DLGAP1: variants seen among roughly 807,000 people sequenced by gnomAD.
DLGAP1 encodes DLG associated protein 1, also known as disks large-associated protein 1.
Under a neutral mutation model 90.8 loss-of-function variants are expected in DLGAP1, and 11 were observed. The ratio of observed to expected loss-of-function variants is 0.12; its 90% CI spans 0.08 to 0.20. The LOEUF (loss-of-function observed/expected upper bound fraction) is 0.20, where lower values mean the gene tolerates loss of function less well. Ranked by LOEUF, DLGAP1 falls within the 10% of genes least tolerant of loss-of-function variation. The pLI, the probability that DLGAP1 is intolerant of heterozygous loss-of-function variation, is 1.00. For synonymous variants in DLGAP1, 558 were observed against 540.7 expected (o/e 1.03, Z -0.44); for missense variants, 1,050 against 1,333.8 (o/e 0.79, Z 3.31).
chr18:4,131,601 G>A lies in DLGAP1; in HGVS notation c.-159+19579C>T, dbSNP rs547114779. 3.0e-4 allele frequency among the ~76,000 whole-genome samples: 46 copies of A among 152,190 alleles called. No individual in the cohort carries two copies. In the South Asian group the frequency reaches 4.8e-3, roughly 16 times the overall value. ...AGATTTGATCCACGAGATGAGGTCC[G>A]CTGACTCCTGCTTTAGAGGACTAGA... On this transcript the variant is annotated intron_variant, in intron 2 of 12. Coordinates refer to ENST00000315677, the MANE Select transcript of DLGAP1 (RefSeq NM_004746.4).
At chr18:4,386,186 A>T (rs1178389752) in intron 1 of DLGAP1, among the ~76,000 whole-genome samples, 1 of 152,176 alleles carries the variant, frequency 6.6e-6, no homozygotes, top group African/African-American at 2.4e-5. Context: ...AGCTAAATTT[A>T]TCCTATCCTC....
At chr18:3,897,942 C>A (rs369813646) in intron 3 of DLGAP1, among the ~76,000 whole-genome samples, 2 of 151,528 alleles carry the variant, frequency 1.3e-5, no homozygotes, top group Non-Finnish European at 2.9e-5. Context: ...CTACAGGCGC[C>A]CGCCACCGCG....
chr18:3,832,668 CT>C (rs531665859), intron 4 of DLGAP1, among the ~76,000 whole-genome samples: 256 of 142,424 alleles, frequency 1.8e-3, no homozygotes, highest in Middle Eastern at 3.7e-3. Flanking sequence ...AGAGAACCTT[CT>C]TTTTTTTTTT....
Position 3,498,448 on chromosome 18 carries a change from C to A in DLGAP1, c.*737G>T, listed in dbSNP as rs1471116911. ...GAATAGATTAATTTCCCTGAAAGAT[C>A]GAATTTACAATCTTCTGCTGATTGA... On this transcript the variant is annotated 3_prime_UTR_variant, in exon 13 of 13. Coordinates refer to ENST00000315677, the MANE Select transcript of DLGAP1 (RefSeq NM_004746.4). 6.6e-6 allele frequency: 1 copy of A among 152,162 alleles called. No homozygotes were observed. The highest frequency in any genetic ancestry group is 2.4e-5 in the African/African-American group (1 of 41,434). The allele number at this position is 152,162 out of a possible 1,614,324, so 9.4% of individuals were successfully genotyped here.
intron 1 of DLGAP1, among the ~76,000 whole-genome samples, chr18:4,162,057 G>T (rs2076855306): frequency 6.6e-6 from 1 of 152,126 alleles, no homozygotes; most frequent in Non-Finnish European, 1.5e-5. Context: ...ATACTGAGTG[G>T]TTACCTGTGC....
At chr18:3,979,565 C>T (rs1479009771) in intron 3 of DLGAP1, among the ~76,000 whole-genome samples, 10 of 151,900 alleles carry the variant, frequency 6.6e-5, no homozygotes, top group African/African-American at 1.7e-4. Context: ...AGAGAGGAGA[C>T]GAAGAGATAG....
chr18:3,958,460 C>CA (rs71160925), intron 3 of DLGAP1, among the ~76,000 whole-genome samples: 6,495 of 97,116 alleles, frequency 0.067, 342 homozygotes, highest in African/African-American at 0.14. Context: ...TTAGGATAAG[C>CA]AAAAAAAAAA....
At chr18:4,010,726 A>AT (rs2149094310) in intron 2 of DLGAP1, among the ~76,000 whole-genome samples, 1 of 152,154 alleles carries the variant, frequency 6.6e-6, no homozygotes, top group East Asian at 1.9e-4. Flanking sequence ...CTCTATTCTC[A>AT]TAAGAATGGA....
intron 2 of DLGAP1, among the ~76,000 whole-genome samples, chr18:4,026,583 G>A (rs1025377272): frequency 2.6e-5 from 4 of 152,106 alleles, no homozygotes; most frequent in African/African-American, 7.2e-5. Context: ...ATGAGATGGA[G>A]CTCTGAGTAT....
chr18:3,506,486 C>T (rs530424687), intron 11 of DLGAP1, among the ~76,000 whole-genome samples: 1 of 141,608 alleles, frequency 7.1e-6, no homozygotes, highest in Admixed American at 7.5e-5. Context: ...GCACTCCAGC[C>T]TGGGCAACAA....
chr18:3,741,176 C>G (rs2062977221), intron 6 of DLGAP1, among the ~76,000 whole-genome samples: 3 of 75,056 alleles, frequency 4.0e-5, no homozygotes, highest in African/African-American at 1.8e-4. Flanking sequence ...CACCACATCA[C>G]CACCACCACC....
chr18:4,193,391 C>A (rs966088871), intron 1 of DLGAP1, among the ~76,000 whole-genome samples: 1 of 152,068 alleles, frequency 6.6e-6, no homozygotes, highest in Non-Finnish European at 1.5e-5. Context: ...TGCAATTTGT[C>A]CCATCCAAAT....
chr18:4,009,917 G>C lies in DLGAP1; in HGVS notation c.-158-4716C>G, dbSNP rs2074383841. Among the ~76,000 whole-genome samples the C allele has an allele frequency of 2.0e-5, 3 of 152,294 alleles. No homozygotes were observed. In the South Asian group the frequency reaches 6.2e-4, roughly 32 times the overall value. On this transcript the variant is annotated intron_variant, in intron 2 of 12. Transcript: ENST00000315677. ...AGAGAAGAGCTCCAAAGGTTAGAAGGATTCTTAGACTCCCATATCTGGCTG... is the reference window on the plus strand; with the variant it reads ...AGAGAAGAGCTCCAAAGGTTAGAAGCATTCTTAGACTCCCATATCTGGCTG...
intron 1 of DLGAP1, among the ~76,000 whole-genome samples, chr18:4,216,255 G>A (rs2077952644): frequency 6.6e-6 from 1 of 150,840 alleles, no homozygotes. Flanking sequence ...ACTATCATGA[G>A]AACAGCATGA....
chr18:4,299,085 C>CAAAAAAAA (rs35327176), intron 1 of DLGAP1, among the ~76,000 whole-genome samples: 32 of 76,206 alleles, frequency 4.2e-4, no homozygotes, highest in African/African-American at 6.2e-4. Flanking sequence ...TGTCTCAAGA[C>CAAAAAAAA]AAAAAAAAAA....
At chr18:4,424,586 T>C (rs1651526688) in intron 1 of DLGAP1, among the ~76,000 whole-genome samples, 1 of 152,204 alleles carries the variant, frequency 6.6e-6, no homozygotes, top group African/African-American at 2.4e-5. Flanking sequence ...CACAGTCTCT[T>C]AAAATTCGTT....
intron 7 of DLGAP1, among the ~76,000 whole-genome samples, chr18:3,674,396 A>G (rs1461052753): frequency 6.6e-6 from 1 of 151,010 alleles, no homozygotes; most frequent in Admixed American, 6.6e-5. Context: ...CGGTGAGACA[A>G]TCATTTGAGG....
At chr18:3,736,380 C>G (rs77207417) in intron 6 of DLGAP1, among the ~76,000 whole-genome samples, 2 of 151,962 alleles carry the variant, frequency 1.3e-5, no homozygotes, top group African/African-American at 4.8e-5. Context: ...CATCCAAGCA[C>G]AATCTGTTTT....
chr18:3,610,283 C>T (rs1394828996), intron 7 of DLGAP1, among the ~76,000 whole-genome samples: 1 of 152,192 alleles, frequency 6.6e-6, no homozygotes, highest in African/African-American at 2.4e-5. Context: ...CAGAGAAAAT[C>T]TGCAGCAATG....
Sources: allele counts gnomAD v4.1 joint callset (sites outside exome capture counted in the v4.1 genomes callset), GRCh38; gene constraint gnomAD v4.1.1; transcripts MANE v1.5; gene names NCBI Gene and HGNC (gene_info 2026-07-23, HGNC 2026-07-21).